Variants in ARHGEF2 observed in about 807,000 individuals in gnomAD.
ARHGEF2 encodes rho guanine nucleotide exchange factor 2.
A neutral mutation model predicts 121.0 loss-of-function variants in ARHGEF2; 22 were observed. The observed-to-expected ratio is 0.18, with a 90% CI of 0.13 to 0.26. The LOEUF (loss-of-function observed/expected upper bound fraction) is 0.26, where lower values mean the gene tolerates loss of function less well. ARHGEF2 is among the 10% of genes least tolerant of loss of function. The pLI is 1.00. For missense variants in ARHGEF2, 907 were observed against 1,336.0 expected, an observed-to-expected ratio of 0.68 and a Z score of 5.01; for synonymous variants, 487 against 530.0, an observed-to-expected ratio of 0.92 and a Z score of 1.11.
chr1:155,967,800 T>A (rs1264303695), intron 2 of ARHGEF2, among the ~76,000 whole-genome samples: 1 of 152,136 alleles, frequency 6.6e-6, no homozygotes, highest in East Asian at 1.9e-4. Context: ...AGACATGCCC[T>A]CAGCTCCCGG....
chr1:155,952,222 T>G lies in ARHGEF2; in HGVS notation c.1998A>C (p.Lys666Asn), dbSNP rs780276815. The change falls in exon 16 of 22, where the codon AAA becomes AAC. Residue 666 changes from lysine (K) to asparagine (N), a missense_variant. Lys to Asn is a moderately conservative substitution (Grantham distance 94, BLOSUM62 0). Transcript: ENST00000361247. ...QDAIREVEGL[K>N]DLLVGPGVEL... ...CCACTCCTGGCCCCACCAGCAGGTC[T>G]TTCAGACCCTCCACTGTGGGGAAAG... 2 of 1,614,116 alleles carry G rather than the reference T, an allele frequency of 1.2e-6. No individual in the cohort carries two copies. Among genetic ancestry groups the G allele is most frequent in the Non-Finnish European group, 1.7e-6 (2 of 1,180,018 alleles).
chr1:155,978,911 A>T (rs1442983152), upstream of ARHGEF2: 1 of 983,862 alleles, frequency 1.0e-6, no homozygotes, highest in Non-Finnish European at 1.2e-6. This position sits in a 1 kb window ranked among gnomAD's most constrained non-coding sequence, Gnocchi z 4.1. Context: ...CTACTGCGTT[A>T]CCTCAGTCTT....
In ARHGEF2 at chr1:155,947,703, G is replaced by T; in HGVS notation, c.*239C>A. On this transcript the variant is annotated 3_prime_UTR_variant, in exon 22 of 22. Transcript: ENST00000361247. ...AATAAATAAATTTTCCTAAAGTTGC[G>T]GGAAGAAGGCATGAACCACTGGCAT... The T allele has an allele frequency of 1.1e-5, 6 of 525,710 alleles. 1 individual carries two copies. The highest frequency in any genetic ancestry group is 1.4e-5 in the Non-Finnish European group (4 of 294,910). The allele number at this position is 525,710 out of a possible 1,614,324, so 32.6% of individuals were successfully genotyped here.
At position 155,951,835 on chromosome 1, in the gene ARHGEF2, C is replaced by T. The variant is rs4661158; in HGVS notation, c.2173-59G>A. On this transcript the variant is annotated intron_variant, in intron 17 of 21. Transcript: ENST00000361247. This position sits in a 1 kb window ranked among gnomAD's most constrained non-coding sequence, Gnocchi z 5.1. ...GCACACAAATCCTGGGTGCCTGCCC[C>T]TGACAGCTTTGTGTTGAGGATCCAG... 3.1e-6 allele frequency: 5 copies of T among 1,613,270 alleles called. No homozygotes were observed. Among genetic ancestry groups the T allele is most frequent in the Non-Finnish European group, 3.4e-6 (4 of 1,179,818 alleles).
At chr1:155,977,993 G>A (rs879870036) in intron 1 of ARHGEF2, 95 of 778,368 alleles carry the variant, frequency 1.2e-4, no homozygotes, top group African/African-American at 1.5e-4. Context: ...GGCCCGGGGT[G>A]AGAGGAGGTG....
At chr1:155,955,860 C>T (rs1249259043) in intron 13 of ARHGEF2, among the ~76,000 whole-genome samples, 3 of 151,972 alleles carry the variant, frequency 2.0e-5, no homozygotes, top group African/African-American at 7.3e-5. Context: ...GGACTACAGG[C>T]ACGCACCACC....
At chr1:155,970,533 A>G in intron 1 of ARHGEF2, 5 of 985,490 alleles carry the variant, frequency 5.1e-6, no homozygotes, top group Non-Finnish European at 6.0e-6. Context: ...GAAATCAAAA[A>G]TCAGGATCCA....
At chr1:155,964,347 A>AT (rs1003377261) in intron 7 of ARHGEF2, among the ~76,000 whole-genome samples, 3 of 150,780 alleles carry the variant, frequency 2.0e-5, no homozygotes, top group Non-Finnish European at 4.4e-5. Flanking sequence ...GCCCAGTTCC[A>AT]TTTTTTATCT....
intron 11 of ARHGEF2, among the ~76,000 whole-genome samples, chr1:155,960,186 G>A (rs1031618468): frequency 6.6e-6 from 1 of 152,100 alleles, no homozygotes; most frequent in Non-Finnish European, 1.5e-5. Flanking sequence ...AACAGAGGGC[G>A]AGGCATAGTG....
At position 155,947,981 on chromosome 1, in the gene ARHGEF2, C is replaced by T. The variant is rs1244993636; in HGVS notation, c.2922G>A (p.Thr974=). The T allele has an allele frequency of 1.9e-5, 30 of 1,551,100 alleles. No individual in the cohort carries two copies. Among genetic ancestry groups the T allele is most frequent in the Middle Eastern group, 1.7e-4 (1 of 6,008 alleles). ...FTRMQDIPEE[T]ESRDGEAVAS... Reference sequence around the variant, plus strand: ...CTACAGCCTCCCCGTCGCGGCTCTCCGTCTCCTCCGGGATGTCCTGCATTC... The same window carrying T: ...CTACAGCCTCCCCGTCGCGGCTCTCTGTCTCCTCCGGGATGTCCTGCATTC... Residue 974 remains threonine (T), a synonymous_variant, in exon 22 of 22, where the codon ACG becomes ACA. Transcript: ENST00000361247.
chr1:155,965,346 G>A lies in ARHGEF2; in HGVS notation c.537C>T (p.Asn179=). ...CCACGGATAGGGTTCGGTTCCGCAT[G>A]TTGAGGGAGTCTGTGGACTGTGAGA... ...RILSQSTDSL[N]MRNRTLSVES... The change falls in exon 6 of 22, where the codon AAC becomes AAT. Residue 179 remains asparagine (N), a synonymous_variant. Coordinates refer to ENST00000361247, the MANE Select transcript of ARHGEF2 (RefSeq NM_001162383.2). This position sits in a 1 kb window ranked among gnomAD's most constrained non-coding sequence, Gnocchi z 6.0. The A allele has an allele frequency of 2.5e-6, 4 of 1,614,200 alleles. No homozygotes were observed. Among genetic ancestry groups the A allele is most frequent in the Non-Finnish European group, 2.5e-6 (3 of 1,180,020 alleles).
In ARHGEF2 at chr1:155,962,560, C is replaced by T; in HGVS notation, c.1101+33G>A. ...ATGAGTTGGGGAGGGTGGGTTTGGG[C>T]CATGAGCATGGGATCTGGAGAGGTC... On this transcript the variant is annotated intron_variant, in intron 9 of 21. Transcript: ENST00000361247. This position sits in a 1 kb window ranked among gnomAD's most constrained non-coding sequence, Gnocchi z 5.8. 1 of 1,610,190 alleles carries T rather than the reference C, an allele frequency of 6.2e-7. No homozygotes were observed. Among genetic ancestry groups the T allele is most frequent in the Non-Finnish European group, 8.5e-7 (1 of 1,178,840 alleles).
intron 7 of ARHGEF2, 59 bp downstream of exon 7, chr1:155,964,929 G>A: frequency 1.3e-6 from 2 of 1,509,016 alleles, no homozygotes; most frequent in Non-Finnish European, 1.8e-6. Flanking sequence ...AAATAAAGAA[G>A]GAAGTAGATA....
chr1:155,951,637 C>A lies in ARHGEF2; in HGVS notation c.2208+104G>T. On this transcript the variant is annotated intron_variant, in intron 18 of 21. Coordinates refer to ENST00000361247, the MANE Select transcript of ARHGEF2 (RefSeq NM_001162383.2). This position sits in a 1 kb window ranked among gnomAD's most constrained non-coding sequence, Gnocchi z 5.1. ...GGGGACAGTAGGATCCGGAGACATA[C>A]TTGAATGTAGACGCTTTCCCCACCC... is the stretch of plus-strand genomic sequence containing the variant. 6.2e-7 allele frequency: 1 copy of A among 1,606,756 alleles called. No homozygotes were observed. Among genetic ancestry groups the A allele is most frequent in the Admixed American group, 1.7e-5 (1 of 59,982 alleles).
chr1:155,979,161 C>A (rs917889043), upstream of ARHGEF2: 70 of 985,484 alleles, frequency 7.1e-5, no homozygotes, highest in African/African-American at 6.3e-4. Flanking sequence ...GGAGAGAATT[C>A]TCCCACATGC....
chr1:155,978,475 T>C lies in ARHGEF2; in HGVS notation c.-48A>G. ...GGACGCGGCGCGGACCCCGGCGTCC[T>C]GTATTGTTGGGGGAAGGCGGGGGGA... On this transcript the variant is annotated 5_prime_UTR_variant, in exon 1 of 22. Coordinates refer to ENST00000361247, the MANE Select transcript of ARHGEF2 (RefSeq NM_001162383.2). The surrounding 1 kb of genome is among the most constrained non-coding windows in gnomAD (Gnocchi z 4.1). The C allele has an allele frequency of 2.9e-6, 4 of 1,401,508 alleles. No individual in the cohort carries two copies. Among genetic ancestry groups the C allele is most frequent in the Non-Finnish European group, 2.8e-6 (3 of 1,058,896 alleles). 86.8% of individuals were successfully genotyped at this position (1,401,508 alleles called of 1,614,324 possible).
Position 155,962,832 on chromosome 1 carries a change from C to G in ARHGEF2, c.975+101G>C. The G allele has an allele frequency of 6.3e-7, 1 of 1,596,458 alleles. No individual in the cohort carries two copies. Among genetic ancestry groups the G allele is most frequent in the South Asian group, 1.1e-5 (1 of 88,006 alleles). On this transcript the variant is annotated intron_variant, in intron 8 of 21. Coordinates refer to ENST00000361247, the MANE Select transcript of ARHGEF2 (RefSeq NM_001162383.2). The surrounding 1 kb of genome is among the most constrained non-coding windows in gnomAD (Gnocchi z 5.8). ...GCTGGCTTCCTGTTTCTCCAGCTCT[C>G]CCTGGCTCCCCTCCAACCCCTAGAA...
intron 1 of ARHGEF2, among the ~76,000 whole-genome samples, chr1:155,971,895 AT>A (rs774325684): frequency 1.0e-3 from 150 of 150,558 alleles, no homozygotes; most frequent in East Asian, 2.5e-3. Flanking sequence ...AAAAAAAAAA[AT>A]ATATACATAT....
chr1:155,949,263 A>ATAAAT (rs1264734914), intron 21 of ARHGEF2, among the ~76,000 whole-genome samples: 1 of 150,234 alleles, frequency 6.7e-6, no homozygotes, highest in Non-Finnish European at 1.5e-5. Flanking sequence ...AAATAAATAA[A>ATAAAT]TAAATAAAAT....
Sources: allele counts gnomAD v4.1 joint callset (sites outside exome capture counted in the v4.1 genomes callset), GRCh38; gene constraint gnomAD v4.1.1; non-coding constraint Gnocchi (gnomAD v3.1); transcripts MANE v1.5; gene names NCBI Gene and HGNC (gene_info 2026-07-23, HGNC 2026-07-21).